CHODL: variants seen among roughly 807,000 people sequenced by gnomAD.
CHODL encodes the protein chondrolectin.
CHODL carries 29 observed loss-of-function variants against 34.5 expected under a neutral mutation model. That is an observed-to-expected ratio of 0.84 (90% CI 0.63 to 1.15). The LOEUF is 1.15. Ranked by LOEUF, CHODL falls within the 50% of genes most tolerant of loss-of-function variation. CHODL has a pLI of 0.00. For synonymous variants in CHODL, 125 were observed against 116.1 expected (o/e 1.08, Z -0.49); for missense variants, 332 against 332.5 (o/e 1.00, Z 0.01).
At chr21:18,172,349 C>A (rs570337363) in intron 2 of CHODL, among the ~76,000 whole-genome samples, 1 of 152,300 alleles carries the variant, frequency 6.6e-6, no homozygotes, top group South Asian at 2.1e-4. Context: ...AGCAGCCAGA[C>A]AGGTCCAATA....
chr21:18,131,734 G>A (rs2072657317), intron 2 of CHODL, among the ~76,000 whole-genome samples: 1 of 152,130 alleles, frequency 6.6e-6, no homozygotes, highest in Admixed American at 6.6e-5. Flanking sequence ...ATGACAGAAA[G>A]AGCCTTGTAG....
At chr21:18,233,046 T>A (rs936727151) in intron 2 of CHODL, among the ~76,000 whole-genome samples, 3 of 150,222 alleles carry the variant, frequency 2.0e-5, no homozygotes, top group Non-Finnish European at 4.4e-5. Flanking sequence ...CTAATTAACA[T>A]ATCAATAACC....
At chr21:17,927,192 G>GTATATATATGTATA (rs2063235926) in intron 1 of CHODL, among the ~76,000 whole-genome samples, 1 of 138,862 alleles carries the variant, frequency 7.2e-6, no homozygotes, top group African/African-American at 3.1e-5. Flanking sequence ...ATATGTATAT[G>GTATATATATGTATA]TATGTATGTG....
chr21:18,257,188 G>A (rs927856620), intron 3 of CHODL, 61 bp downstream of exon 3: 1 of 1,465,556 alleles, frequency 6.8e-7, no homozygotes, highest in Non-Finnish European at 9.1e-7. Context: ...ATTAAGTTTT[G>A]TCTTTAATTT....
At chr21:18,235,886 A>C (rs2074024095) in intron 2 of CHODL, among the ~76,000 whole-genome samples, 1 of 152,174 alleles carries the variant, frequency 6.6e-6, no homozygotes, top group Non-Finnish European at 1.5e-5. Context: ...TCATGTTCAG[A>C]AATGAATAGT....
At chr21:18,249,801 C>G (rs58455478) in intron 1 of CHODL, among the ~76,000 whole-genome samples, 1 of 152,100 alleles carries the variant, frequency 6.6e-6, no homozygotes, top group Non-Finnish European at 1.5e-5. Flanking sequence ...ATAAGAGCAC[C>G]TATGTCATAG....
At chr21:18,239,875 A>T (rs563988759), upstream of CHODL, among the ~76,000 whole-genome samples, 1 of 152,068 alleles carries the variant, frequency 6.6e-6, no homozygotes, top group Non-Finnish European at 1.5e-5. Context: ...TTAAATGAGG[A>T]TATAGCCATT....
chr21:17,946,420 T>C (rs1481295398), intron 1 of CHODL, among the ~76,000 whole-genome samples: 1 of 152,092 alleles, frequency 6.6e-6, no homozygotes, highest in Admixed American at 6.6e-5. Context: ...ACAGAGATTT[T>C]CCCAGACAAA....
intron 2 of CHODL, among the ~76,000 whole-genome samples, chr21:18,193,710 A>AT (rs1568931393): frequency 4.2e-5 from 6 of 143,238 alleles, no homozygotes; most frequent in African/African-American, 1.6e-4. Context: ...AAAAAAAAAA[A>AT]TAAAATAAAT....
intron 2 of CHODL, among the ~76,000 whole-genome samples, chr21:18,066,416 C>T (rs1373244788): frequency 2.0e-5 from 3 of 152,114 alleles, no homozygotes; most frequent in African/African-American, 4.8e-5. Context: ...TTCAGTGATG[C>T]TGCAGGTTTG....
At chr21:18,144,623 A>G (rs373374470) in intron 2 of CHODL, among the ~76,000 whole-genome samples, 20 of 152,168 alleles carry the variant, frequency 1.3e-4, no homozygotes, top group Admixed American at 5.2e-4. Flanking sequence ...ATAACTCTCT[A>G]TTTCTCTAGA....
intron 2 of CHODL, among the ~76,000 whole-genome samples, chr21:18,175,647 T>C (rs2073299020): frequency 6.7e-6 from 1 of 150,102 alleles, no homozygotes; most frequent in Non-Finnish European, 1.5e-5. Flanking sequence ...TATAATCAGA[T>C]AAAGGAGACA....
chr21:18,190,912 A>G (rs965915834), intron 2 of CHODL, among the ~76,000 whole-genome samples: 3 of 152,118 alleles, frequency 2.0e-5, no homozygotes, highest in Admixed American at 6.6e-5. Context: ...TCCAAGATAG[A>G]TTTAATTTTC....
intron 2 of CHODL, among the ~76,000 whole-genome samples, chr21:18,030,801 C>G (rs574292676): frequency 2.0e-5 from 3 of 151,954 alleles, no homozygotes; most frequent in South Asian, 4.2e-4. Context: ...AATAAAGTAC[C>G]CTTTGAAGGC....
At chr21:18,114,973 C>T (rs913004772) in intron 2 of CHODL, 1 of 152,262 alleles carries the variant, frequency 6.6e-6, no homozygotes, top group African/African-American at 2.4e-5. Context: ...GAAGAATTGC[C>T]AGACTTAACC....
At chr21:18,245,422 C>T in intron 1 of CHODL, 120 bp downstream of exon 1, 1 of 735,260 alleles carries the variant, frequency 1.4e-6, no homozygotes. Context: ...GGTGTAAGGA[C>T]CCGGGAGGAG....
chr21:18,179,400 G>A (rs1025674780), intron 2 of CHODL, among the ~76,000 whole-genome samples: 45 of 152,134 alleles, frequency 3.0e-4, no homozygotes, highest in African/African-American at 1.1e-3. Flanking sequence ...GATTCTATGT[G>A]GTTTCTGGTT....
chr21:17,976,774 T>G (rs985168223), intron 1 of CHODL, among the ~76,000 whole-genome samples: 2 of 152,192 alleles, frequency 1.3e-5, no homozygotes, highest in Non-Finnish European at 2.9e-5. Context: ...TAATTTCAAA[T>G]TTTATTTTTG....
At chr21:17,921,793 A>G (rs1327497558) in intron 1 of CHODL, among the ~76,000 whole-genome samples, 2 of 152,202 alleles carry the variant, frequency 1.3e-5, no homozygotes, top group East Asian at 3.8e-4. Context: ...AATTTTTGGT[A>G]CAAGTCCAGG....
Sources: gnomAD v4.1 joint callset for allele counts (sites outside exome capture counted in the v4.1 genomes callset) on GRCh38, gnomAD v4.1.1 for gene constraint, MANE v1.5 for transcripts, NCBI Gene and HGNC (gene_info 2026-07-23, HGNC 2026-07-21) for gene names.